AHNAK: variants seen among roughly 807,000 people sequenced by gnomAD.
AHNAK encodes the protein AHNAK nucleoprotein.
In AHNAK, 23 loss-of-function variants were observed where a neutral mutation model predicts 37.8. The ratio of observed to expected loss-of-function variants is 0.61; its 90% CI spans 0.44 to 0.86. The LOEUF is 0.86. AHNAK is among the 40% of genes least tolerant of loss of function. The probability of loss-of-function intolerance (pLI) is 0.00; values close to 1 mark genes in which losing one functional copy is unlikely to be tolerated. For missense variants in AHNAK, 7,411 were observed against 7,319.4 expected (o/e 1.01, Z -0.46); for synonymous variants, 2,481 against 2,636.3 (o/e 0.94, Z 1.80).
In AHNAK at chr11:62,516,295, A is replaced by G; in HGVS notation, c.*449T>C. 1 of 1,289,388 alleles carries G rather than the reference A, an allele frequency of 7.8e-7. No individual in the cohort carries two copies. The highest frequency in any genetic ancestry group is 1.2e-5 in the South Asian group (1 of 81,020). 79.9% of individuals were successfully genotyped at this position (1,289,388 alleles called of 1,614,324 possible). ...GTTTGAACAGATCCAGTCTCAGGAA[A>G]GAGGAAGACCTGACCTCCGTCTGCA... On this transcript the variant is annotated 3_prime_UTR_variant, in exon 5 of 5. Coordinates refer to ENST00000378024, the MANE Select transcript of AHNAK (RefSeq NM_001620.3).
chr11:62,529,063 T>C lies in AHNAK; in HGVS notation c.5354A>G (p.Asp1785Gly), dbSNP rs77055528. 49,156 of 1,614,150 alleles carry C rather than the reference T, an allele frequency of 0.03. 986 individuals are homozygous for C. Among genetic ancestry groups the C allele is most frequent in the African/African-American group, 0.095 (7,101 of 75,000 alleles). The change falls in exon 5 of 5, where the codon GAT becomes GGT. Residue 1785 changes from aspartate to glycine, a missense_variant. Transcript: ENST00000378024. The part of the protein sequence containing the change: ...NIKAPKVSMP[D>G]VDLNLKGPKL... Reference sequence around the variant, plus strand: ...GGGTCCCTTCAAATTCAAGTCCACATCTGGCATGGAGACCTTGGGAGCTTT... The same window carrying C: ...GGGTCCCTTCAAATTCAAGTCCACACCTGGCATGGAGACCTTGGGAGCTTT...
chr11:62,489,846 C>T (rs1939468230), intron 5 of AHNAK, among the ~76,000 whole-genome samples: 1 of 152,022 alleles, frequency 6.6e-6, no homozygotes, highest in Admixed American at 6.6e-5. Flanking sequence ...AAGAGGGGAG[C>T]CCATAAAGGG....
At chr11:62,466,897 A>G (rs888220205) in intron 5 of AHNAK, among the ~76,000 whole-genome samples, 1 of 152,272 alleles carries the variant, frequency 6.6e-6, no homozygotes, top group Non-Finnish European at 1.5e-5. Context: ...TTAACTATGT[A>G]GAATAATAAA....
intron 5 of AHNAK, among the ~76,000 whole-genome samples, chr11:62,451,046 G>A (rs1188652966): frequency 2.1e-5 from 3 of 144,772 alleles, no homozygotes; most frequent in Non-Finnish European, 4.8e-5. Flanking sequence ...CCAAAGCTAG[G>A]CAGGGGGCAG....
At chr11:62,445,426 C>G (rs962561457) in intron 5 of AHNAK, among the ~76,000 whole-genome samples, 2 of 152,118 alleles carry the variant, frequency 1.3e-5, no homozygotes, top group African/African-American at 4.8e-5. Flanking sequence ...TTTGCTGCAT[C>G]CATAGCTACG....
chr11:62,538,705 G>A (rs1941031844), intron 1 of AHNAK, among the ~76,000 whole-genome samples: 1 of 152,238 alleles, frequency 6.6e-6, no homozygotes, highest in African/African-American at 2.4e-5. Flanking sequence ...ACGCACCCAT[G>A]TGCCAGACAG....
intron 1 of AHNAK, among the ~76,000 whole-genome samples, chr11:62,541,338 C>T (rs1941117318): frequency 6.6e-6 from 1 of 152,224 alleles, no homozygotes; most frequent in Non-Finnish European, 1.5e-5. Context: ...GTGAAACTTC[C>T]GCCCAGCATG....
intron 5 of AHNAK, among the ~76,000 whole-genome samples, chr11:62,445,162 A>G (rs1222735677): frequency 1.3e-5 from 2 of 152,138 alleles, no homozygotes; most frequent in Non-Finnish European, 2.9e-5. Flanking sequence ...CCCAGTGGAG[A>G]AGTCAGGGAG....
At chr11:62,539,827 C>T (rs1430102440) in intron 1 of AHNAK, among the ~76,000 whole-genome samples, 2 of 152,350 alleles carry the variant, frequency 1.3e-5, no homozygotes, top group Admixed American at 1.3e-4. Flanking sequence ...CTGGCTGTGG[C>T]CCTGCTGTCC....
Position 62,521,008 on chromosome 11 carries a change from C to T in AHNAK, c.13409G>A (p.Gly4470Asp). 6.2e-7 allele frequency: 1 copy of T among 1,614,094 alleles called. No homozygotes were observed. Among genetic ancestry groups the T allele is most frequent in the Non-Finnish European group, 8.5e-7 (1 of 1,180,026 alleles). The change falls in exon 5 of 5, where the codon GGT becomes GAT. Residue 4470 changes from glycine (G) to aspartate (D), a missense_variant. Physicochemically the swap from Gly to Asp is moderately conservative, Grantham distance 94. Transcript: ENST00000378024. ...SMPDFDLHLK[G>D]PKVKGDVDVS... is the part of the protein sequence containing the mutation. ...ATCCACATCACCCTTCACCTTGGGA[C>T]CTTTCAGGTGCAAATCAAAGTCAGG... is the stretch of plus-strand genomic sequence containing the variant.
chr11:62,530,414 G>T lies in AHNAK; in HGVS notation c.4003C>A (p.Pro1335Thr). ...ACATCCACATCTCCCTTCAATTTTG[G>T]CCCCTTAAGATTCAGGTCCACATCA... ...MPDVDLNLKGPKLKGDVDVSL... is the reference protein window; with the variant it reads ...MPDVDLNLKGTKLKGDVDVSL... The change falls in exon 5 of 5, where the codon CCA becomes ACA. Residue 1335 changes from proline to threonine, a missense_variant. Coordinates refer to ENST00000378024, the MANE Select transcript of AHNAK (RefSeq NM_001620.3). The T allele has an allele frequency of 6.2e-7, 1 of 1,613,824 alleles. No homozygotes were observed. Among genetic ancestry groups the T allele is most frequent in the African/African-American group, 1.3e-5 (1 of 74,892 alleles).
Position 62,520,705 on chromosome 11 carries a change from C to A in AHNAK, c.13712G>T (p.Gly4571Val). Residue 4571 changes from glycine to valine, a missense_variant, in exon 5 of 5, where the codon GGT becomes GTT. By Grantham distance (109) the Gly-to-Val change is moderately radical. Transcript: ENST00000378024. The stretch of plus-strand genomic sequence containing the variant: ...GGGGCCCTTCAGTTTCCCTTCTGGA[C>A]CATGAATGTCAATATCAGGAGTGTC... Reference protein sequence around the residue: ...GIDTPDIDIHGPEGKLKGPKF... With the variant: ...GIDTPDIDIHVPEGKLKGPKF... The A allele has an allele frequency of 6.2e-7, 1 of 1,614,114 alleles. No homozygotes were observed. Among genetic ancestry groups the A allele is most frequent in the Non-Finnish European group, 8.5e-7 (1 of 1,180,024 alleles).
At chr11:62,541,604 C>G (rs892672037) in intron 1 of AHNAK, among the ~76,000 whole-genome samples, 4 of 152,186 alleles carry the variant, frequency 2.6e-5, no homozygotes, top group Admixed American at 2.6e-4. Context: ...AAAAAAACCC[C>G]ACACACAAGT....
intron 4 of AHNAK, among the ~76,000 whole-genome samples, chr11:62,496,655 C>T (rs1939614505): frequency 6.6e-6 from 1 of 152,042 alleles, no homozygotes; most frequent in South Asian, 2.1e-4. Context: ...GTTAGCCGGG[C>T]GTGGTGGCGC....
At chr11:62,451,747 A>G (rs1209889309) in intron 5 of AHNAK, among the ~76,000 whole-genome samples, 11 of 151,592 alleles carry the variant, frequency 7.3e-5, no homozygotes, top group Non-Finnish European at 5.9e-5. Flanking sequence ...AAAAAAAAAA[A>G]AAAAAAAATT....
chr11:62,464,079 TA>T (rs1014024388), intron 5 of AHNAK, among the ~76,000 whole-genome samples: 10 of 151,136 alleles, frequency 6.6e-5, no homozygotes, highest in African/African-American at 1.9e-4. Context: ...GTTTTTTTTT[TA>T]ATAGGATCTT....
At chr11:62,433,743 C>A (rs1034814164) in exon 6 of AHNAK, 2 of 1,228,476 alleles carry the variant, frequency 1.6e-6, no homozygotes, top group African/African-American at 1.5e-5. Flanking sequence ...CGAAAAGCCG[C>A]CTCGCGGAAG....
At chr11:62,497,293 C>T (rs1366418584) in intron 4 of AHNAK, among the ~76,000 whole-genome samples, 2 of 152,186 alleles carry the variant, frequency 1.3e-5, no homozygotes, top group African/African-American at 4.8e-5. Context: ...CAGGACATGA[C>T]CACTATGTGG....
At chr11:62,544,243 G>A (rs1329649283) in intron 1 of AHNAK, among the ~76,000 whole-genome samples, 3 of 152,172 alleles carry the variant, frequency 2.0e-5, no homozygotes, top group Non-Finnish European at 4.4e-5. Flanking sequence ...GGCTGACGCT[G>A]GACCTTCTCC....
Sources: gnomAD v4.1 joint callset for allele counts (sites outside exome capture counted in the v4.1 genomes callset) on GRCh38, gnomAD v4.1.1 for gene constraint, MANE v1.5 for transcripts, NCBI Gene and HGNC (gene_info 2026-07-23, HGNC 2026-07-21) for gene names.